Variants in RP1L1 observed in about 807,000 individuals in gnomAD.
RP1L1 encodes the protein retinitis pigmentosa 1-like 1 protein.
In RP1L1, 27 loss-of-function variants were observed where a neutral mutation model predicts 15.7. The observed-to-expected ratio is 1.72, with a 90% confidence interval of 1.27 to 2.38. RP1L1 has a LOEUF of 2.38. RP1L1 is among the 30% of genes most tolerant of loss of function. The probability of loss-of-function intolerance (pLI) is 0.00; values close to 1 mark genes in which losing one functional copy is unlikely to be tolerated. For synonymous variants in RP1L1, 1,813 were observed against 1,276.7 expected (o/e 1.42, Z -8.96); for missense variants, 4,798 against 3,075.9 (o/e 1.56, Z -13.24).
At chr8:10,616,370 G>A in intron 3 of RP1L1, 76 bp downstream of exon 3, 4 of 1,591,716 alleles carry the variant, frequency 2.5e-6, no homozygotes, top group Non-Finnish European at 3.4e-6. Flanking sequence ...TGAATTACCT[G>A]GAAGGCTTTC....
At chr8:10,631,257 A>G (rs925877839) in intron 1 of RP1L1, among the ~76,000 whole-genome samples, 1 of 151,676 alleles carries the variant, frequency 6.6e-6, no homozygotes, top group African/African-American at 2.4e-5. Context: ...ACACATGCAC[A>G]CACACGCACA....
intron 1 of RP1L1, among the ~76,000 whole-genome samples, chr8:10,649,115 C>G (rs188694908): frequency 6.6e-6 from 1 of 152,354 alleles, no homozygotes; most frequent in Admixed American, 6.5e-5. Context: ...TAGAAAATTC[C>G]CGGATTCACC....
chr8:10,619,718 A>C (rs555827623), intron 2 of RP1L1, among the ~76,000 whole-genome samples: 1 of 152,142 alleles, frequency 6.6e-6, no homozygotes, highest in East Asian at 1.9e-4. Flanking sequence ...CCTGAGGTCA[A>C]GAGTTCAAGA....
chr8:10,624,382 A>AC (rs774158323), intron 1 of RP1L1, among the ~76,000 whole-genome samples: 1 of 152,220 alleles, frequency 6.6e-6, no homozygotes, highest in African/African-American at 2.4e-5. Context: ...ACATACACAC[A>AC]CACTCACACA....
At chr8:10,639,851 G>C (rs117377251) in intron 1 of RP1L1, among the ~76,000 whole-genome samples, 2,658 of 152,284 alleles carry the variant, frequency 0.017, 29 homozygotes, top group Non-Finnish European at 0.028. Flanking sequence ...GAAATGAAAA[G>C]TATTTCCAGA....
At chr8:10,622,550 C>T in intron 2 of RP1L1, 43 bp downstream of exon 2, 1 of 1,613,582 alleles carries the variant, frequency 6.2e-7, no homozygotes, top group Middle Eastern at 1.6e-4. Flanking sequence ...GACCTCAGGT[C>T]TAAAGAACCT....
rs1186165954 is a variant in RP1L1 at position 10,609,611 on chromosome 8, G to A, written c.4487C>T (p.Thr1496Ile). Residue 1496 changes from threonine (T) to isoleucine (I), a missense_variant, in exon 4 of 4, where the codon ACC becomes ATC. Physicochemically the swap from Thr to Ile is moderately conservative, Grantham distance 89 (BLOSUM62 -1). Transcript: ENST00000382483. ...AGAGCTCCTCTCTGCAGCCCCCTGG[G>A]TGGGTTGGGCCTGCGTGTGCTCTTG... ...MGQEHTQAQP[T>I]QGAAERSSSV... is the part of the protein sequence containing the mutation. 2 of 1,607,270 alleles carry A rather than the reference G, an allele frequency of 1.2e-6. No individual in the cohort carries two copies. The highest frequency in any genetic ancestry group is 2.7e-5 in the African/African-American group (2 of 74,944).
At chr8:10,650,073 C>T (rs982940741) in intron 1 of RP1L1, among the ~76,000 whole-genome samples, 1 of 152,166 alleles carries the variant, frequency 6.6e-6, no homozygotes, top group African/African-American at 2.4e-5. Flanking sequence ...AAAGTGTTTT[C>T]ATCCAAGAGA....
chr8:10,608,049 G>T lies in RP1L1; in HGVS notation c.6049C>A (p.Gln2017Lys). 6.2e-7 allele frequency: 1 copy of T among 1,604,832 alleles called. No individual in the cohort carries two copies. The highest frequency in any genetic ancestry group is 8.5e-7 in the Non-Finnish European group (1 of 1,178,148). Reference protein sequence around the residue: ...GEMQEAEEEAQPESDGVEAQP... With the variant: ...GEMQEAEEEAKPESDGVEAQP... ...GCCTCTACACCGTCTGACTCTGGCT[G>T]GGCCTCCTCTTCTGCCTCTTGCATC... Residue 2017 changes from glutamine (Q) to lysine (K), a missense_variant, in exon 4 of 4, where the codon CAG becomes AAG. Coordinates refer to ENST00000382483, the MANE Select transcript of RP1L1 (RefSeq NM_178857.6).
At chr8:10,650,803 G>A (rs911923474) in intron 1 of RP1L1, among the ~76,000 whole-genome samples, 1 of 152,130 alleles carries the variant, frequency 6.6e-6, no homozygotes, top group South Asian at 2.1e-4. Flanking sequence ...CTGACCTCAG[G>A]TGATCCACCT....
intron 2 of RP1L1, among the ~76,000 whole-genome samples, chr8:10,620,824 G>A (rs890886371): frequency 3.3e-5 from 5 of 152,224 alleles, no homozygotes; most frequent in African/African-American, 1.2e-4. Flanking sequence ...CCCATTGGCT[G>A]TCATGTCCAG....
chr8:10,652,316 G>A (rs1056714925), intron 1 of RP1L1, among the ~76,000 whole-genome samples: 1 of 152,132 alleles, frequency 6.6e-6, no homozygotes, highest in East Asian at 1.9e-4. Flanking sequence ...AGAACTTAGG[G>A]CCCCAGCTAA....
intron 1 of RP1L1, among the ~76,000 whole-genome samples, chr8:10,654,324 G>A (rs184350590): frequency 6.6e-6 from 1 of 152,146 alleles, no homozygotes; most frequent in African/African-American, 2.4e-5. Flanking sequence ...TGCCAGCCTT[G>A]AAGCTGGGTA....
At position 10,607,520 on chromosome 8, in the gene RP1L1, G is replaced by A. The variant is rs1231665153; in HGVS notation, c.6578C>T (p.Ser2193Leu). ...PEAEGEAQPE[S>L]EGIEAPEAEG... Reference sequence around the variant, plus strand: ...TGCCTCTGGGGCCTCTATACCTTCTGACTCTGGCTGGGCCTCCCCTTCTGC... The same window carrying A: ...TGCCTCTGGGGCCTCTATACCTTCTAACTCTGGCTGGGCCTCCCCTTCTGC... Residue 2193 changes from serine to leucine, a missense_variant, in exon 4 of 4, where the codon TCA becomes TTA. Physicochemically the swap from Ser to Leu is moderately radical, Grantham distance 145 (BLOSUM62 -2). Transcript: ENST00000382483. The A allele has an allele frequency of 1.9e-6, 3 of 1,605,782 alleles. No homozygotes were observed. Among genetic ancestry groups the A allele is most frequent in the South Asian group, 1.1e-5 (1 of 90,486 alleles).
intron 1 of RP1L1, among the ~76,000 whole-genome samples, chr8:10,640,304 G>T (rs1309077343): frequency 1.3e-5 from 2 of 152,210 alleles, no homozygotes; most frequent in Admixed American, 6.5e-5. Context: ...GCAGGTAACA[G>T]AATTTTTCAA....
intron 1 of RP1L1, among the ~76,000 whole-genome samples, chr8:10,650,421 T>C (rs1284646959): frequency 6.6e-6 from 1 of 152,174 alleles, no homozygotes; most frequent in Non-Finnish European, 1.5e-5. Flanking sequence ...GGGTGTTAAA[T>C]GCAAACTTGC....
rs748176486 is a variant in RP1L1, at chr8:10,623,025, C to G, written c.177G>C (p.Lys59Asn). 1 of 1,614,048 alleles carries G rather than the reference C, an allele frequency of 6.2e-7. No homozygotes were observed. Among genetic ancestry groups the G allele is most frequent in the African/African-American group, 1.3e-5 (1 of 74,922 alleles). The change falls in exon 2 of 4, where the codon AAG becomes AAC. Residue 59 changes from lysine to asparagine, a missense_variant. Transcript: ENST00000382483. ...VRLAVHQRAF[K>N]TFSALMDELS... ...GCTCGTCCATGAGGGCGCTGAAGGT[C>G]TTAAAGGCGCGCTGGTGAACGGCCA...
At chr8:10,651,790 G>A (rs993452719) in intron 1 of RP1L1, among the ~76,000 whole-genome samples, 2 of 150,494 alleles carry the variant, frequency 1.3e-5, no homozygotes, top group Non-Finnish European at 2.9e-5. Flanking sequence ...TATGCTCAGA[G>A]CTGTTGCTCC....
intron 1 of RP1L1, among the ~76,000 whole-genome samples, chr8:10,623,755 A>G (rs1798113765): frequency 6.6e-6 from 1 of 151,812 alleles, no homozygotes; most frequent in African/African-American, 2.4e-5. Context: ...TACAGTCACC[A>G]TGTCCCCAGC....
Sources: gnomAD v4.1 joint callset for allele counts (sites outside exome capture counted in the v4.1 genomes callset) on GRCh38, gnomAD v4.1.1 for gene constraint, MANE v1.5 for transcripts, NCBI Gene and HGNC (gene_info 2026-07-23, HGNC 2026-07-21) for gene names.